Variants in ABI3BP observed in about 807,000 individuals in gnomAD.
ABI3BP encodes the protein ABI family member 3 binding protein, also known as target of Nesh-SH3.
In ABI3BP, 216 loss-of-function variants were observed where a neutral mutation model predicts 268.6. The observed-to-expected ratio is 0.80, with a 90% CI of 0.72 to 0.90. The LOEUF (loss-of-function observed/expected upper bound fraction) is 0.90. ABI3BP is among the 40% of genes least tolerant of loss of function. The pLI is 0.00. For synonymous variants in ABI3BP, 730 were observed against 730.0 expected, an observed-to-expected ratio of 1.00 and a Z score of 0.00; for missense variants, 2,090 against 2,182.4, an observed-to-expected ratio of 0.96 and a Z score of 0.84.
At chr3:100,955,915 T>TG (rs974796365) in intron 1 of ABI3BP, among the ~76,000 whole-genome samples, 2 of 152,044 alleles carry the variant, frequency 1.3e-5, no homozygotes, top group African/African-American at 4.8e-5. Flanking sequence ...AGGCCAGGCA[T>TG]GGGGGCTCAC....
At chr3:100,864,953 C>G in intron 10 of ABI3BP, 46 bp from the exon 11 acceptor site, 1 of 1,435,638 alleles carries the variant, frequency 7.0e-7, no homozygotes, top group Non-Finnish European at 9.6e-7. Context: ...TAAAGTGAAG[C>G]AACCAAAGAC....
intron 2 of ABI3BP, among the ~76,000 whole-genome samples, chr3:100,910,389 C>A (rs1324579825): frequency 6.8e-6 from 1 of 146,288 alleles, no homozygotes; most frequent in East Asian, 2.0e-4. Context: ...GCACATGTAC[C>A]CCAGAACTGA....
chr3:100,922,214 G>A (rs375635259), intron 2 of ABI3BP, among the ~76,000 whole-genome samples: 1 of 152,152 alleles, frequency 6.6e-6, no homozygotes, highest in South Asian at 2.1e-4. Context: ...GCATATCTGT[G>A]AAAAATACAT....
chr3:100,796,081 C>A (rs912633703), intron 52 of ABI3BP, among the ~76,000 whole-genome samples: 1 of 152,006 alleles, frequency 6.6e-6, no homozygotes, highest in African/African-American at 2.4e-5. Context: ...CGAGTAGGCA[C>A]CCACTTTTTT....
Position 100,838,420 on chromosome 3 carries a change from C to T in ABI3BP, c.1990G>A (p.Ala664Thr). 6.5e-7 allele frequency: 1 copy of T among 1,535,770 alleles called. No homozygotes were observed. Among genetic ancestry groups the T allele is most frequent in the Non-Finnish European group, 8.7e-7 (1 of 1,146,706 alleles). ...ERPKTTHRPD[A>T]PQIQPGSKPP... is the part of the protein sequence containing the mutation. ...TGATTACCAGGCTGAATTTGAGGTGCATCTGGTCTGTGTGTGGTTTTAGGT... is the reference window on the plus strand; with the variant it reads ...TGATTACCAGGCTGAATTTGAGGTGTATCTGGTCTGTGTGTGGTTTTAGGT... Residue 664 changes from alanine to threonine, a missense_variant, in exon 25 of 68, where the codon GCA becomes ACA. Transcript: ENST00000471714.
chr3:100,985,037 C>A (rs1490157155), intron 1 of ABI3BP, among the ~76,000 whole-genome samples: 1 of 151,924 alleles, frequency 6.6e-6, no homozygotes, highest in African/African-American at 2.4e-5. Flanking sequence ...TCCATCACAT[C>A]CACTGATAAA....
chr3:100,988,032 T>A (rs2092258606), intron 1 of ABI3BP, among the ~76,000 whole-genome samples: 1 of 152,162 alleles, frequency 6.6e-6, no homozygotes, highest in Non-Finnish European at 1.5e-5. Flanking sequence ...TTTAATACAG[T>A]CCCAGCAATA....
intron 14 of ABI3BP, among the ~76,000 whole-genome samples, chr3:100,858,934 C>T (rs1193213299): frequency 1.3e-5 from 2 of 152,168 alleles, no homozygotes; most frequent in Admixed American, 6.5e-5. Flanking sequence ...CTTTAGCTTC[C>T]CTCTGCTGGT....
chr3:100,850,014 C>T, intron 17 of ABI3BP, 31 bp downstream of exon 17: 3 of 1,576,548 alleles, frequency 1.9e-6, no homozygotes, highest in Non-Finnish European at 2.6e-6. Flanking sequence ...TTCGTCAATG[C>T]ATACATAACT....
chr3:100,817,338 T>G, intron 42 of ABI3BP, 98 bp downstream of exon 42: 1 of 807,774 alleles, frequency 1.2e-6, no homozygotes, highest in Non-Finnish European at 1.9e-6. Flanking sequence ...GATGACAAGA[T>G]AGTCCTACAA....
Position 100,886,356 on chromosome 3 carries a change from T to C in ABI3BP, c.462-33A>G, listed in dbSNP as rs539576642. 1.2e-5 allele frequency: 17 copies of C among 1,449,286 alleles called. No individual in the cohort carries two copies. In the African/African-American group the frequency reaches 2.5e-4, roughly 21 times the overall value. 89.8% of individuals were successfully genotyped at this position (1,449,286 alleles called of 1,614,324 possible). On this transcript the variant is annotated intron_variant, in intron 4 of 67. Coordinates refer to ENST00000471714, the MANE Select transcript of ABI3BP (RefSeq NM_001375547.2). ...ATAACCAGAATATAATGCTTTAAAA[T>C]CACAGAGGGATTCAGAATGTTATTT...
At chr3:100,904,569 G>A (rs965599611) in intron 2 of ABI3BP, among the ~76,000 whole-genome samples, 7 of 152,150 alleles carry the variant, frequency 4.6e-5, no homozygotes, top group Non-Finnish European at 1.0e-4. Flanking sequence ...GGGTAAGGAG[G>A]GGGACACACA....
intron 1 of ABI3BP, among the ~76,000 whole-genome samples, chr3:100,961,394 T>C (rs1203878991): frequency 2.0e-5 from 3 of 152,056 alleles, no homozygotes; most frequent in African/African-American, 7.2e-5. Context: ...TGGAGTGAGG[T>C]TGACCGCAAT....
chr3:100,833,188 A>T, intron 29 of ABI3BP, 31 bp from the exon 30 acceptor site: 5 of 1,519,612 alleles, frequency 3.3e-6, no homozygotes, highest in Non-Finnish European at 4.4e-6. Context: ...AAGCAATTTT[A>T]AAAAGAAATA....
chr3:100,979,911 G>A (rs1285136877), intron 1 of ABI3BP, among the ~76,000 whole-genome samples: 1 of 152,168 alleles, frequency 6.6e-6, no homozygotes, highest in African/African-American at 2.4e-5. Context: ...GGGATTTATT[G>A]CCAAGAACAT....
At chr3:100,833,210 C>T (rs2098521688) in intron 29 of ABI3BP, 53 bp from the exon 30 acceptor site, 1 of 1,463,628 alleles carries the variant, frequency 6.8e-7, no homozygotes, top group Non-Finnish European at 9.2e-7. Flanking sequence ...ATGTTAAACA[C>T]ACGAGAAAAG....
chr3:100,778,174 C>T (rs1014583966), intron 59 of ABI3BP, 110 bp downstream of exon 59: 23 of 1,047,454 alleles, frequency 2.2e-5, no homozygotes, highest in African/African-American at 1.6e-4. Flanking sequence ...CCAACACAAA[C>T]GTGTCACACA....
At chr3:100,871,462 T>C (rs2099108500) in intron 9 of ABI3BP, among the ~76,000 whole-genome samples, 1 of 152,196 alleles carries the variant, frequency 6.6e-6, no homozygotes, top group Non-Finnish European at 1.5e-5. Context: ...TCCCCACAAA[T>C]CTCATCTTGA....
chr3:100,849,695 T>G (rs1467686587), intron 17 of ABI3BP, among the ~76,000 whole-genome samples: 2 of 152,192 alleles, frequency 1.3e-5, no homozygotes, highest in Non-Finnish European at 2.9e-5. Context: ...TTAGACTACT[T>G]TGGGTAAAAT....
Sources: gnomAD v4.1 joint callset for allele counts (sites outside exome capture counted in the v4.1 genomes callset) on GRCh38, gnomAD v4.1.1 for gene constraint, MANE v1.5 for transcripts, NCBI Gene and HGNC (gene_info 2026-07-23, HGNC 2026-07-21) for gene names.